The following DYRK1A variants were observed in gnomAD, a reference collection of about 807,000 sequenced individuals.
DYRK1A encodes dual specificity tyrosine phosphorylation regulated kinase 1A.
Under a neutral mutation model 79.7 loss-of-function variants are expected in DYRK1A, and 9 were observed. That is an observed-to-expected ratio of 0.11 (90% CI 0.07 to 0.20). The LOEUF is 0.20. DYRK1A is among the 10% of genes least tolerant of loss of function. DYRK1A has a pLI of 1.00. For synonymous variants in DYRK1A, 349 were observed against 329.7 expected, an observed-to-expected ratio of 1.06 and a Z score of -0.63; for missense variants, 622 against 956.0, an observed-to-expected ratio of 0.65 and a Z score of 4.61.
At chr21:37,423,122 A>G (rs2050521883) in intron 2 of DYRK1A, among the ~76,000 whole-genome samples, 1 of 152,170 alleles carries the variant, frequency 6.6e-6, no homozygotes, top group South Asian at 2.1e-4. Context: ...GGTTTTTGAT[A>G]AAGTTTTAAG....
intron 3 of DYRK1A, among the ~76,000 whole-genome samples, chr21:37,477,128 T>C (rs575483326): frequency 1.3e-5 from 2 of 152,292 alleles, no homozygotes; most frequent in East Asian, 1.9e-4. Flanking sequence ...TTAACAATTA[T>C]ACCATGACTC....
intron 6 of DYRK1A, 67 bp downstream of exon 6, chr21:37,486,681 T>C (rs2052881356): frequency 7.5e-7 from 1 of 1,333,530 alleles, no homozygotes; most frequent in African/African-American, 1.5e-5. Context: ...AATGGTTCTT[T>C]TCTATCAAAA....
chr21:37,404,676 G>T (rs2050116728), intron 1 of DYRK1A, among the ~76,000 whole-genome samples: 1 of 152,166 alleles, frequency 6.6e-6, no homozygotes, highest in South Asian at 2.1e-4. Flanking sequence ...GACCCTTCAG[G>T]GATCACAGTC....
rs1379352069 is a variant in DYRK1A at position 37,514,341 on chromosome 21, TG to T, written c.*1814del. Reference sequence around the variant, plus strand: ...GTTCCCATTTTAAATTGACCAATTTTGGGGTGTGACACTTTTGAGCGGTTGA... The same window carrying T: ...GTTCCCATTTTAAATTGACCAATTTTGGGTGTGACACTTTTGAGCGGTTGA... On this transcript the variant is annotated 3_prime_UTR_variant, in exon 12 of 12. Coordinates refer to ENST00000647188, the MANE Select transcript of DYRK1A (RefSeq NM_001347721.2). 1 of 152,658 alleles carries T rather than the reference TG, an allele frequency of 6.6e-6. No homozygotes were observed. The highest frequency in any genetic ancestry group is 2.4e-5 in the African/African-American group (1 of 41,460). The allele number at this position is 152,658 out of a possible 1,614,324, so 9.5% of individuals were successfully genotyped here.
intron 6 of DYRK1A, chr21:37,487,871 C>A (rs1319725359): frequency 6.6e-6 from 1 of 152,050 alleles, no homozygotes; most frequent in Non-Finnish European, 1.5e-5. Flanking sequence ...TGAAACTTTG[C>A]TGTTCACTGT....
Position 37,472,811 on chromosome 21 carries a change from A to G in DYRK1A, c.138A>G (p.Pro46=), listed in dbSNP as rs1049759. The change falls in exon 3 of 12, where the codon CCA becomes CCG. Residue 46 remains proline (P), a synonymous_variant. Coordinates refer to ENST00000647188, the MANE Select transcript of DYRK1A (RefSeq NM_001347721.2). ...HSHQYSDRRQ[P]NISDQQVSAL... ...ATCAGTACAGTGACCGTCGCCAGCC[A>G]AACATAAGTGACCAACAGGTTTCTG... The G allele has an allele frequency of 6.2e-7, 1 of 1,609,960 alleles. No homozygotes were observed. The highest frequency in any genetic ancestry group is 1.7e-5 in the Admixed American group (1 of 59,844).
intron 1 of DYRK1A, among the ~76,000 whole-genome samples, chr21:37,387,035 G>A (rs1046629969): frequency 2.0e-5 from 3 of 152,208 alleles, no homozygotes; most frequent in Non-Finnish European, 2.9e-5. Context: ...CTAAATGGAC[G>A]TGGGTCCCTT....
At chr21:37,417,423 A>G (rs575754492) in intron 1 of DYRK1A, among the ~76,000 whole-genome samples, 7 of 150,962 alleles carry the variant, frequency 4.6e-5, no homozygotes, top group Non-Finnish European at 8.9e-5. Context: ...TGAACTCCCA[A>G]CCTCAGGTGA....
intron 11 of DYRK1A, among the ~76,000 whole-genome samples, chr21:37,510,746 G>A (rs570411414): frequency 7.9e-5 from 12 of 151,932 alleles, no homozygotes; most frequent in Admixed American, 2.0e-4. Flanking sequence ...GGGCCTACTT[G>A]TCTACTGTGT....
chr21:37,475,632 A>G (rs2052368901), intron 3 of DYRK1A, among the ~76,000 whole-genome samples: 1 of 152,222 alleles, frequency 6.6e-6, no homozygotes, highest in East Asian at 1.9e-4. Flanking sequence ...TGAAGCATGA[A>G]ATATAAACAG....
At chr21:37,391,811 T>G (rs138448789) in intron 1 of DYRK1A, among the ~76,000 whole-genome samples, 1,647 of 152,374 alleles carry the variant, frequency 0.011, 28 homozygotes, top group African/African-American at 0.036. Context: ...CGTGTTAGGC[T>G]CCTCTTCAGC....
chr21:37,448,445 G>T (rs2051340426), intron 2 of DYRK1A, among the ~76,000 whole-genome samples: 2 of 152,120 alleles, frequency 1.3e-5, no homozygotes, highest in Admixed American at 1.3e-4. Context: ...AACTCTAGAG[G>T]TCAGGAGATC....
rs1601335484 is a variant in DYRK1A, at chr21:37,512,198, C to T, written c.1932C>T (p.His644=). The part of the protein sequence containing the change: ...QDSMEVGHSH[H]SMTSLSSSTT... ...CTATGGAGGTTGGCCACAGTCACCA[C>T]TCCATGACATCCCTGTCTTCCTCAA... The change falls in exon 12 of 12, where the codon CAC becomes CAT. Residue 644 remains histidine (H), a synonymous_variant. Coordinates refer to ENST00000647188, the MANE Select transcript of DYRK1A (RefSeq NM_001347721.2). 2.5e-6 allele frequency: 4 copies of T among 1,614,234 alleles called. No individual in the cohort carries two copies.
intron 2 of DYRK1A, among the ~76,000 whole-genome samples, chr21:37,444,471 C>T (rs946347298): frequency 1.1e-4 from 16 of 152,188 alleles, no homozygotes; most frequent in Non-Finnish European, 4.4e-5. Flanking sequence ...CGGAAGCCTT[C>T]ACTGGGTATC....
chr21:37,501,403 C>T (rs774269952), intron 9 of DYRK1A: 4 of 152,000 alleles, frequency 2.6e-5, no homozygotes, highest in East Asian at 1.9e-4. Context: ...CTCTTAACCT[C>T]GTGACCCACC....
chr21:37,474,839 A>T (rs1237036954), intron 3 of DYRK1A, among the ~76,000 whole-genome samples: 1 of 152,212 alleles, frequency 6.6e-6, no homozygotes, highest in Non-Finnish European at 1.5e-5. Context: ...TAGTTTTCAC[A>T]ATATCTTCCA....
At chr21:37,446,386 C>T (rs1173784553) in intron 2 of DYRK1A, among the ~76,000 whole-genome samples, 1 of 152,072 alleles carries the variant, frequency 6.6e-6, no homozygotes, top group African/African-American at 2.4e-5. Context: ...AAAAAGCTAA[C>T]AAGTTGCATT....
intron 1 of DYRK1A, among the ~76,000 whole-genome samples, chr21:37,398,749 C>T (rs951908029): frequency 3.3e-5 from 5 of 152,088 alleles, no homozygotes; most frequent in African/African-American, 1.2e-4. Context: ...AAAAACTATT[C>T]ATTATAATGT....
chr21:37,447,656 A>G (rs1456901052), intron 2 of DYRK1A, among the ~76,000 whole-genome samples: 1 of 152,194 alleles, frequency 6.6e-6, no homozygotes, highest in African/African-American at 2.4e-5. Flanking sequence ...TGTAGCAAGC[A>G]TTGTACTCAC....
Sources: gnomAD v4.1 joint callset for allele counts (sites outside exome capture counted in the v4.1 genomes callset) on GRCh38, gnomAD v4.1.1 for gene constraint, MANE v1.5 for transcripts, NCBI Gene and HGNC (gene_info 2026-07-23, HGNC 2026-07-21) for gene names.